The following RAPGEF4 variants were observed in gnomAD, a reference collection of about 807,000 sequenced individuals.
The protein encoded by RAPGEF4 is RAP guanine-nucleotide-exchange factor (GEF) 4.
A neutral mutation model predicts 147.9 loss-of-function variants in RAPGEF4; 66 were observed. The ratio of observed to expected loss-of-function variants is 0.45; its 90% CI spans 0.37 to 0.55. RAPGEF4 has a LOEUF of 0.55. RAPGEF4 is among the 20% of genes least tolerant of loss of function. The probability of loss-of-function intolerance (pLI) is 0.00; values close to 1 mark genes in which losing one functional copy is unlikely to be tolerated. For synonymous variants in RAPGEF4, 419 were observed against 442.7 expected (o/e 0.95, Z 0.67); for missense variants, 1,071 against 1,257.3 (o/e 0.85, Z 2.24).
chr2:172,924,675 G>A (rs73030884), intron 6 of RAPGEF4, among the ~76,000 whole-genome samples: 115 of 152,286 alleles, frequency 7.6e-4, no homozygotes, highest in African/African-American at 2.6e-3. Context: ...ATAAAAAGAA[G>A]CTTAAGAGCC....
intron 29 of RAPGEF4, among the ~76,000 whole-genome samples, chr2:173,047,218 G>A (rs192756489): frequency 1.1e-4 from 17 of 152,306 alleles, no homozygotes; most frequent in South Asian, 2.1e-4. Context: ...GAAATGGAGC[G>A]TAGGTCTCAT....
intron 27 of RAPGEF4, among the ~76,000 whole-genome samples, chr2:173,034,220 C>G (rs1005875658): frequency 6.6e-6 from 1 of 152,208 alleles, no homozygotes; most frequent in Non-Finnish European, 1.5e-5. Context: ...AGCGTCCTCT[C>G]CATCCAGCTC....
chr2:172,744,487 A>C (rs1574665322), intron 1 of RAPGEF4: 1 of 451,136 alleles, frequency 2.2e-6, no homozygotes, highest in East Asian at 7.0e-5. Context: ...GTAGAGGTTA[A>C]AAATTTAGGA....
intron 1 of RAPGEF4, among the ~76,000 whole-genome samples, chr2:172,766,595 G>A (rs919965916): frequency 6.6e-6 from 1 of 152,166 alleles, no homozygotes; most frequent in Admixed American, 6.5e-5. Flanking sequence ...CACTTGTGAA[G>A]CCATCACCAC....
At chr2:172,856,648 C>G (rs997119740) in intron 4 of RAPGEF4, among the ~76,000 whole-genome samples, 1 of 152,196 alleles carries the variant, frequency 6.6e-6, no homozygotes, top group African/African-American at 2.4e-5. Context: ...CATCTCTGTT[C>G]AGTTCTTTCT....
At chr2:172,925,798 A>AG (rs1491261439) in intron 6 of RAPGEF4, among the ~76,000 whole-genome samples, 7 of 144,766 alleles carry the variant, frequency 4.8e-5, no homozygotes, top group Non-Finnish European at 3.1e-5. Context: ...AGAGAGAGAG[A>AG]AAGAAAGAAA....
Position 172,917,676 on chromosome 2 carries a change from T to A in RAPGEF4, c.445-126T>A, listed in dbSNP as rs955041390. The A allele has an allele frequency of 2.6e-5, 21 of 797,844 alleles. No homozygotes were observed. The South Asian group carries it at 3.2e-4, about 12-fold the overall frequency. The allele number at this position is 797,844 out of a possible 1,614,324, so 49.4% of individuals were successfully genotyped here. A position where few individuals can be genotyped will look rare whatever the true frequency, so the allele number is the denominator to read the frequency against. Reference sequence around the variant, plus strand: ...CAGAGACCCCGGAGAACACGTTTCATGGCTCTATAAATACAAGGCTCAGAT... The same window carrying A: ...CAGAGACCCCGGAGAACACGTTTCAAGGCTCTATAAATACAAGGCTCAGAT... On this transcript the variant is annotated intron_variant, in intron 4 of 30. Transcript: ENST00000397081.
intron 6 of RAPGEF4, among the ~76,000 whole-genome samples, chr2:172,936,412 G>A (rs987348405): frequency 6.6e-6 from 1 of 152,116 alleles, no homozygotes; most frequent in Non-Finnish European, 1.5e-5. Context: ...AGCTCTGTGT[G>A]TTTATATAGT....
At chr2:173,012,317 C>T (rs192590977) in intron 17 of RAPGEF4, among the ~76,000 whole-genome samples, 26 of 152,250 alleles carry the variant, frequency 1.7e-4, no homozygotes, top group Non-Finnish European at 2.5e-4. Flanking sequence ...TGACACATAC[C>T]GTACTCAGAA....
chr2:172,983,458 CT>C, intron 10 of RAPGEF4, 37 bp from the exon 11 acceptor site: 1 of 1,579,374 alleles, frequency 6.3e-7, no homozygotes. Flanking sequence ...TAGTGATGCC[CT>C]TTTTCCATAT....
At chr2:172,782,516 C>T (rs1214014992) in intron 1 of RAPGEF4, among the ~76,000 whole-genome samples, 1 of 152,188 alleles carries the variant, frequency 6.6e-6, no homozygotes, top group Non-Finnish European at 1.5e-5. Context: ...CAACCCAAAG[C>T]CCTCCGTGGG....
intron 1 of RAPGEF4, among the ~76,000 whole-genome samples, chr2:172,761,103 C>CTTTTTTTTTTTTTTTATTTTTTTTTTTT (rs57509750): frequency 7.2e-6 from 1 of 139,568 alleles, no homozygotes; most frequent in African/African-American, 2.6e-5. Flanking sequence ...ATTTTTCTTT[C>CTTTTTTTTTTTTTTTATTTTTTTTTTTT]TTTTTTTTTT....
chr2:173,033,820 A>G (rs908142030), intron 26 of RAPGEF4, 94 bp from the exon 27 acceptor site: 1 of 1,153,092 alleles, frequency 8.7e-7, no homozygotes, highest in Non-Finnish European at 1.3e-6. Context: ...TTAAGAGCCA[A>G]TGGATATATA....
At position 172,783,773 on chromosome 2, in the gene RAPGEF4, T is replaced by TGA. The variant is rs1231864103; in HGVS notation, c.66-11250_66-11249dup. Among the ~76,000 whole-genome samples, 3 of 141,654 alleles carry TGA rather than the reference T, an allele frequency of 2.1e-5. No individual in the cohort carries two copies. In the Admixed American group the frequency reaches 2.1e-4, roughly 10 times the overall value. The allele number at this position is 141,654 out of a possible 152,430, so 92.9% of individuals were successfully genotyped here. A position where few individuals can be genotyped will look rare whatever the true frequency, so the allele number is the denominator to read the frequency against. ...GTGTGTATGTGCTTGTGTGTATGTG[T>TGA]GAGTGTGTGTGTGTGTGTGTGGTGG... On this transcript the variant is annotated intron_variant, in intron 1 of 30. Coordinates refer to ENST00000397081, the MANE Select transcript of RAPGEF4 (RefSeq NM_007023.4).
chr2:172,797,728 TAAG>T, intron 3 of RAPGEF4, 115 bp downstream of exon 3: 1 of 780,068 alleles, frequency 1.3e-6, no homozygotes, highest in Non-Finnish European at 2.1e-6. Flanking sequence ...TTTCCCACAA[TAAG>T]GAGTTCAGCA....
At chr2:172,819,483 T>TTTTTTTTTTTTTTTGTAG in intron 4 of RAPGEF4, among the ~76,000 whole-genome samples, 1 of 135,756 alleles carries the variant, frequency 7.4e-6, no homozygotes, top group East Asian at 2.0e-4. Flanking sequence ...TTTTTTTTTT[T>TTTTTTTTTTTTTTTGTAG]GAGACGGAGT....
intron 10 of RAPGEF4, among the ~76,000 whole-genome samples, chr2:172,976,621 G>A (rs370674877): frequency 3.9e-5 from 6 of 152,122 alleles, no homozygotes; most frequent in Admixed American, 6.6e-5. Flanking sequence ...TGATTTCTCC[G>A]GGTGTTTTCC....
intron 10 of RAPGEF4, among the ~76,000 whole-genome samples, chr2:172,968,514 G>A (rs1467859503): frequency 6.6e-6 from 1 of 152,028 alleles, no homozygotes; most frequent in Non-Finnish European, 1.5e-5. Context: ...CTTACTCAGG[G>A]TTGTCCCCTT....
In RAPGEF4 at chr2:173,018,641, A is replaced by C. The variant is rs747651206; in HGVS notation, c.2009-15A>C. 1 of 1,602,162 alleles carries C rather than the reference A, an allele frequency of 6.2e-7. No individual in the cohort carries two copies. Among genetic ancestry groups the C allele is most frequent in the Non-Finnish European group, 8.5e-7 (1 of 1,174,016 alleles). ...CTTAAGAGTGATTTACTACCTTGTTACTGCCTTTGGATAGTTCTGTTTAAG... is the reference window on the plus strand; with the variant it reads ...CTTAAGAGTGATTTACTACCTTGTTCCTGCCTTTGGATAGTTCTGTTTAAG... On this transcript the variant is annotated splice_polypyrimidine_tract_variant and intron_variant, in intron 21 of 30. Transcript: ENST00000397081.
Sources: allele counts gnomAD v4.1 joint callset (sites outside exome capture counted in the v4.1 genomes callset), GRCh38; gene constraint gnomAD v4.1.1; transcripts MANE v1.5; gene names NCBI Gene and HGNC (gene_info 2026-07-23, HGNC 2026-07-21).